The following REDIC1 variants were observed in gnomAD, a reference collection of about 807,000 sequenced individuals.
REDIC1 encodes HEI10 Interacting Protein 1.
the REDIC1 span, among the ~76,000 whole-genome samples, chr12:39,800,116 C>G: frequency 6.6e-6 from 1 of 152,070 alleles, no homozygotes; most frequent in Non-Finnish European, 1.5e-5. Flanking sequence ...AAAATCAGGG[C>G]AACTCTAAAA....
chr12:39,627,884 A>C, the REDIC1 span, among the ~76,000 whole-genome samples: 2 of 152,180 alleles, frequency 1.3e-5, no homozygotes, highest in Non-Finnish European at 2.9e-5. Context: ...AAAAAAGAGA[A>C]ATGTTACATA....
At chr12:39,656,030 T>G in the REDIC1 span, among the ~76,000 whole-genome samples, 5 of 152,192 alleles carry the variant, frequency 3.3e-5, no homozygotes, top group Non-Finnish European at 5.9e-5. Context: ...ATTCCTGGGA[T>G]AAATCCCACC....
At chr12:39,653,538 T>TCTTCTTCTTCTTCTTC in the REDIC1 span, among the ~76,000 whole-genome samples, 5 of 66,690 alleles carry the variant, frequency 7.5e-5, no homozygotes, top group Admixed American at 3.1e-4. Flanking sequence ...TTCTTCTTCT[T>TCTTCTTCTTCTTCTTC]TTTCTTCTTC....
chr12:39,830,809 A>G, the REDIC1 span, among the ~76,000 whole-genome samples: 1 of 152,204 alleles, frequency 6.6e-6, no homozygotes, highest in African/African-American at 2.4e-5. Flanking sequence ...GCTTTCAGCA[A>G]AGATATACTG....
At chr12:39,750,743 T>G in the REDIC1 span, among the ~76,000 whole-genome samples, 3 of 152,196 alleles carry the variant, frequency 2.0e-5, no homozygotes, top group African/African-American at 7.2e-5. Flanking sequence ...AACAGAGCCC[T>G]CAGAAATAAT....
At chr12:39,745,333 T>C in the REDIC1 span, among the ~76,000 whole-genome samples, 1 of 152,140 alleles carries the variant, frequency 6.6e-6, no homozygotes, top group Non-Finnish European at 1.5e-5. Flanking sequence ...TAAAGCACAT[T>C]GTAAAAAATA....
At chr12:39,882,222 T>G in the REDIC1 span, among the ~76,000 whole-genome samples, 1 of 152,204 alleles carries the variant, frequency 6.6e-6, no homozygotes, top group African/African-American at 2.4e-5. Flanking sequence ...CAGGATCTCC[T>G]GGAAGACTTG....
At chr12:39,644,033 T>G in the REDIC1 span, 2 of 847,606 alleles carry the variant, frequency 2.4e-6, no homozygotes, top group Non-Finnish European at 3.5e-6. Flanking sequence ...ATTTTAAAAT[T>G]TGGTTGCTCT....
chr12:39,812,287 A>G, the REDIC1 span, among the ~76,000 whole-genome samples: 1 of 151,108 alleles, frequency 6.6e-6, no homozygotes, highest in Non-Finnish European at 1.5e-5. Flanking sequence ...TGACCTAATC[A>G]CCTCCCAAAG....
chr12:39,830,268 A>C, the REDIC1 span: 1 of 1,599,706 alleles, frequency 6.3e-7, no homozygotes, highest in South Asian at 1.1e-5. Context: ...TGGCAGAGAC[A>C]ACTGGTGCTC....
At chr12:39,789,114 CATT>C in the REDIC1 span, among the ~76,000 whole-genome samples, 1 of 152,170 alleles carries the variant, frequency 6.6e-6, no homozygotes, top group East Asian at 1.9e-4. Flanking sequence ...TTAACTATAT[CATT>C]ATCAGATTTT....
At chr12:39,724,659 A>G in the REDIC1 span, among the ~76,000 whole-genome samples, 1 of 152,264 alleles carries the variant, frequency 6.6e-6, no homozygotes, top group East Asian at 1.9e-4. Flanking sequence ...TAAAAGGTTA[A>G]CATTGCTAAT....
chr12:39,830,016 C>G, the REDIC1 span: 1 of 1,536,376 alleles, frequency 6.5e-7, no homozygotes, highest in Non-Finnish European at 8.9e-7. Flanking sequence ...AAAAGAACTG[C>G]TATAAGTGCA....
chr12:39,793,723 T>G, the REDIC1 span, among the ~76,000 whole-genome samples: 82 of 152,244 alleles, frequency 5.4e-4, no homozygotes, highest in Admixed American at 4.3e-3. Flanking sequence ...CTCTGAACAA[T>G]TCTCCAGATT....
the REDIC1 span, among the ~76,000 whole-genome samples, chr12:39,741,307 A>G: frequency 1.3e-5 from 2 of 152,200 alleles, no homozygotes; most frequent in Non-Finnish European, 2.9e-5. Context: ...TTAAAAAAAA[A>G]TAACTTACAT....
chr12:39,863,695 A>T, the REDIC1 span, among the ~76,000 whole-genome samples: 1 of 152,172 alleles, frequency 6.6e-6, no homozygotes, highest in Non-Finnish European at 1.5e-5. Context: ...AGACTATGAA[A>T]GTCAGTGAGC....
chr12:39,813,027 T>G, the REDIC1 span, among the ~76,000 whole-genome samples: 1 of 137,266 alleles, frequency 7.3e-6, no homozygotes, highest in East Asian at 2.1e-4. Flanking sequence ...TTTTTTTTAG[T>G]AGAGATGGGG....
At chr12:39,826,029 T>G in the REDIC1 span, among the ~76,000 whole-genome samples, 10 of 152,280 alleles carry the variant, frequency 6.6e-5, no homozygotes, top group South Asian at 2.1e-3. Context: ...TATTGCATTT[T>G]TATTAGAAAA....
chr12:39,743,100 CAATT>C, the REDIC1 span, among the ~76,000 whole-genome samples: 1 of 152,082 alleles, frequency 6.6e-6, no homozygotes, highest in African/African-American at 2.4e-5. Flanking sequence ...GGGGAAGAGA[CAATT>C]AACCATTTTG....
Sources: allele counts gnomAD v4.1 joint callset (sites outside exome capture counted in the v4.1 genomes callset), GRCh38; gene constraint gnomAD v4.1.1; transcripts MANE v1.5; gene names NCBI Gene and HGNC (gene_info 2026-07-23, HGNC 2026-07-21).